MTUS2: variants seen among roughly 807,000 people sequenced by gnomAD.
MTUS2 encodes the protein microtubule-associated tumor suppressor candidate 2.
A neutral mutation model predicts 114.1 loss-of-function variants in MTUS2; 40 were observed. That is an observed-to-expected ratio of 0.35 (90% CI 0.27 to 0.46). The LOEUF (loss-of-function observed/expected upper bound fraction) is 0.46, where lower values mean the gene tolerates loss of function less well. MTUS2 is among the 20% of genes least tolerant of loss of function. The pLI is 1.00. For missense variants in MTUS2, 1,679 were observed against 1,705.4 expected (o/e 0.98, Z 0.27); for synonymous variants, 688 against 672.0 (o/e 1.02, Z -0.37).
intron 8 of MTUS2, among the ~76,000 whole-genome samples, chr13:29,419,952 A>G (rs754359113): frequency 3.3e-5 from 5 of 152,216 alleles, no homozygotes; most frequent in Admixed American, 6.5e-5. Flanking sequence ...TGAGTATCCA[A>G]TGCTGATATT....
intron 8 of MTUS2, among the ~76,000 whole-genome samples, chr13:29,435,509 G>A (rs1225046449): frequency 6.6e-6 from 1 of 152,162 alleles, no homozygotes; most frequent in African/African-American, 2.4e-5. Flanking sequence ...TCCTTTCCAA[G>A]GGAGTCCCGG....
At chr13:29,186,665 C>A (rs969108591) in intron 5 of MTUS2, among the ~76,000 whole-genome samples, 2 of 152,240 alleles carry the variant, frequency 1.3e-5, no homozygotes, top group African/African-American at 2.4e-5. Flanking sequence ...TACAATCCAA[C>A]AATAGGAGTT....
intron 2 of MTUS2, among the ~76,000 whole-genome samples, chr13:29,015,038 A>T (rs1261905934): frequency 1.3e-5 from 2 of 152,196 alleles, no homozygotes; most frequent in Non-Finnish European, 2.9e-5. Flanking sequence ...CCTAGAGGCC[A>T]CCCACTTGCT....
At chr13:28,898,648 G>A (rs1212049872) in intron 2 of MTUS2, among the ~76,000 whole-genome samples, 1 of 152,180 alleles carries the variant, frequency 6.6e-6, no homozygotes, top group Non-Finnish European at 1.5e-5. Flanking sequence ...TCATTAGTTT[G>A]TTAGCTGACA....
At chr13:29,208,760 A>G (rs1296281983) in intron 5 of MTUS2, among the ~76,000 whole-genome samples, 1 of 152,004 alleles carries the variant, frequency 6.6e-6, no homozygotes, top group Non-Finnish European at 1.5e-5. Flanking sequence ...TTTTGGAGGT[A>G]ATTTTTAGTT....
intron 6 of MTUS2, among the ~76,000 whole-genome samples, chr13:29,283,490 T>C (rs184213474): frequency 2.6e-5 from 4 of 152,344 alleles, no homozygotes; most frequent in African/African-American, 9.6e-5. Context: ...TTGGCCTTGG[T>C]TTAATTAGAA....
chr13:29,393,967 A>G (rs769269753), intron 8 of MTUS2, among the ~76,000 whole-genome samples: 2 of 152,170 alleles, frequency 1.3e-5, no homozygotes, highest in Non-Finnish European at 2.9e-5. Context: ...GAGCAGAGGT[A>G]TGACTTTGGA....
At chr13:28,989,493 C>T (rs1382417427) in intron 2 of MTUS2, among the ~76,000 whole-genome samples, 1 of 152,204 alleles carries the variant, frequency 6.6e-6, no homozygotes, top group Non-Finnish European at 1.5e-5. Context: ...TCAGCAATCT[C>T]TAAGAAGGAG....
chr13:29,288,619 C>T (rs1898584723), intron 6 of MTUS2, among the ~76,000 whole-genome samples: 1 of 152,102 alleles, frequency 6.6e-6, no homozygotes, highest in Non-Finnish European at 1.5e-5. Context: ...GGCACTAGGG[C>T]AGGAAGCCAG....
At chr13:28,989,852 G>GTTTT (rs67968989) in intron 2 of MTUS2, among the ~76,000 whole-genome samples, 1 of 143,698 alleles carries the variant, frequency 7.0e-6, no homozygotes, top group Non-Finnish European at 1.5e-5. Flanking sequence ...GTTTTGTTTT[G>GTTTT]TTTTTTTTTT....
chr13:29,154,698 T>C (rs1892788849), intron 5 of MTUS2, among the ~76,000 whole-genome samples: 1 of 152,220 alleles, frequency 6.6e-6, no homozygotes, highest in Non-Finnish European at 1.5e-5. Context: ...ATCTTTTGCT[T>C]ACATAATTGT....
At chr13:29,376,899 T>A (rs1871795720) in intron 8 of MTUS2, among the ~76,000 whole-genome samples, 1 of 152,102 alleles carries the variant, frequency 6.6e-6, no homozygotes, top group African/African-American at 2.4e-5. Flanking sequence ...TCAAATATAA[T>A]GATATACGTA....
intron 10 of MTUS2, chr13:29,482,256 A>G (rs754597564): frequency 2.6e-5 from 4 of 152,162 alleles, no homozygotes; most frequent in Non-Finnish European, 5.9e-5. Flanking sequence ...GGCTGAGGGG[A>G]GCATCTCCAC....
chr13:29,347,825 A>G (rs535017798), intron 7 of MTUS2, among the ~76,000 whole-genome samples: 1 of 152,332 alleles, frequency 6.6e-6, no homozygotes, highest in Non-Finnish European at 1.5e-5. Flanking sequence ...CATAAGTTGA[A>G]TAATTTATTA....
At chr13:28,890,370 G>T (rs747331483) in intron 2 of MTUS2, among the ~76,000 whole-genome samples, 11 of 152,130 alleles carry the variant, frequency 7.2e-5, no homozygotes, top group Non-Finnish European at 1.5e-4. Context: ...TGATAATGTT[G>T]CAGCTAGGAC....
At chr13:29,356,701 T>C (rs1038661041) in intron 7 of MTUS2, among the ~76,000 whole-genome samples, 1 of 152,242 alleles carries the variant, frequency 6.6e-6, no homozygotes, top group African/African-American at 2.4e-5. Context: ...TTATTAGTCC[T>C]AGGCAAAGTC....
At chr13:28,850,710 C>G (rs1876211173) in intron 2 of MTUS2, among the ~76,000 whole-genome samples, 2 of 152,276 alleles carry the variant, frequency 1.3e-5, no homozygotes, top group South Asian at 4.1e-4. Flanking sequence ...TGTCTCTAAA[C>G]CATCCTGGAG....
intron 5 of MTUS2, among the ~76,000 whole-genome samples, chr13:29,130,858 G>A (rs61945867): frequency 0.011 from 1,747 of 152,112 alleles, 19 homozygotes; most frequent in Admixed American, 0.021. Flanking sequence ...TCTTTTGACC[G>A]CGTGATCCGC....
chr13:29,024,160 A>G (rs557366234), intron 2 of MTUS2, among the ~76,000 whole-genome samples: 1 of 152,354 alleles, frequency 6.6e-6, no homozygotes, highest in African/African-American at 2.4e-5. Flanking sequence ...TCTGTAAAGA[A>G]GAGCCCTTAC....
Sources: allele counts gnomAD v4.1 joint callset (sites outside exome capture counted in the v4.1 genomes callset), GRCh38; gene constraint gnomAD v4.1.1; transcripts MANE v1.5; gene names NCBI Gene and HGNC (gene_info 2026-07-23, HGNC 2026-07-21).